The following LPP variants were observed in gnomAD, a reference collection of about 807,000 sequenced individuals.
The protein encoded by LPP is LIM domain containing preferred translocation partner in lipoma, also known as lipoma-preferred partner.
A neutral mutation model predicts 60.4 loss-of-function variants in LPP; 38 were observed. The ratio of observed to expected loss-of-function variants is 0.63; its 90% CI spans 0.49 to 0.83. The LOEUF (loss-of-function observed/expected upper bound fraction) is 0.83, where lower values mean the gene tolerates loss of function less well. LPP is among the 40% of genes least tolerant of loss of function. The pLI is 0.00. For missense variants in LPP, 902 were observed against 783.6 expected (o/e 1.15, Z -1.80); for synonymous variants, 328 against 290.8 (o/e 1.13, Z -1.30).
chr3:188,294,759 C>A (rs1747275000), intron 2 of LPP, among the ~76,000 whole-genome samples: 1 of 152,158 alleles, frequency 6.6e-6, no homozygotes, highest in Admixed American at 6.5e-5. Context: ...ATTTTCTTAT[C>A]CACCCATTTT....
chr3:188,379,515 A>T (rs1167963660), intron 3 of LPP, among the ~76,000 whole-genome samples: 1 of 152,324 alleles, frequency 6.6e-6, no homozygotes, highest in South Asian at 2.1e-4. Context: ...AAAAACAAAC[A>T]AACAAAACCA....
intron 2 of LPP, among the ~76,000 whole-genome samples, chr3:188,232,800 T>C (rs1471283677): frequency 1.3e-5 from 2 of 152,006 alleles, no homozygotes. Context: ...CACTGAATCC[T>C]ACCTAGTTCA....
At chr3:188,204,101 G>T (rs1259907044) in intron 1 of LPP, among the ~76,000 whole-genome samples, 2 of 152,060 alleles carry the variant, frequency 1.3e-5, no homozygotes, top group Non-Finnish European at 2.9e-5. Context: ...CTCCCAAGGG[G>T]CTCACTTCCC....
intron 6 of LPP, among the ~76,000 whole-genome samples, chr3:188,586,259 T>G (rs762448026): frequency 2.0e-5 from 3 of 152,210 alleles, no homozygotes; most frequent in Non-Finnish European, 4.4e-5. Context: ...CTATATGTAA[T>G]ATGAAAGAGT....
chr3:188,874,324 C>T (rs769629299), intron 11 of LPP, 27 bp from the exon 12 acceptor site: 3 of 1,595,290 alleles, frequency 1.9e-6, no homozygotes, highest in Non-Finnish European at 2.6e-6. Flanking sequence ...TTACTTATGT[C>T]GTTTCCATCT....
chr3:188,845,637 A>G (rs1328186376), intron 9 of LPP, among the ~76,000 whole-genome samples: 1 of 152,160 alleles, frequency 6.6e-6, no homozygotes, highest in Non-Finnish European at 1.5e-5. Flanking sequence ...CCTCTGGTAT[A>G]TATGCTGTGT....
intron 9 of LPP, among the ~76,000 whole-genome samples, chr3:188,809,205 G>A (rs957931641): frequency 2.0e-5 from 3 of 152,148 alleles, no homozygotes; most frequent in Non-Finnish European, 4.4e-5. Context: ...ATCCAGTAAT[G>A]AGATTATTGG....
At chr3:188,361,783 G>T (rs1307337515) in intron 3 of LPP, among the ~76,000 whole-genome samples, 1 of 152,042 alleles carries the variant, frequency 6.6e-6, no homozygotes, top group Non-Finnish European at 1.5e-5. Context: ...GGCCAGGCTG[G>T]TCTCGAACTC....
At chr3:188,171,604 T>A (rs190789091) in intron 1 of LPP, among the ~76,000 whole-genome samples, 35 of 152,338 alleles carry the variant, frequency 2.3e-4, no homozygotes, top group African/African-American at 7.9e-4. Context: ...CACCATTTCT[T>A]TATGGAATCA....
intron 2 of LPP, among the ~76,000 whole-genome samples, chr3:188,292,433 A>G (rs1439097631): frequency 1.3e-5 from 2 of 152,238 alleles, no homozygotes; most frequent in Admixed American, 6.5e-5. Context: ...GCATGACTCA[A>G]ACATCTAGTT....
intron 5 of LPP, among the ~76,000 whole-genome samples, chr3:188,511,916 T>A (rs1194809612): frequency 6.6e-6 from 1 of 152,214 alleles, no homozygotes; most frequent in Non-Finnish European, 1.5e-5. Flanking sequence ...ATTGCTGGCT[T>A]GTAGGATATT....
At chr3:188,528,154 T>C (rs1821161451) in intron 6 of LPP, among the ~76,000 whole-genome samples, 1 of 152,062 alleles carries the variant, frequency 6.6e-6, no homozygotes, top group Non-Finnish European at 1.5e-5. Context: ...TTCCAGGTCA[T>C]TTAGCCAAAC....
intron 4 of LPP, among the ~76,000 whole-genome samples, chr3:188,422,075 A>G (rs1787958304): frequency 6.6e-6 from 1 of 152,170 alleles, no homozygotes; most frequent in Admixed American, 6.6e-5. Context: ...TCATGGGGCT[A>G]GTACCAGCTT....
At chr3:188,646,391 C>T (rs530764994) in intron 7 of LPP, among the ~76,000 whole-genome samples, 36 of 152,190 alleles carry the variant, frequency 2.4e-4, no homozygotes, top group African/African-American at 7.9e-4. Flanking sequence ...ATAAGCTAGC[C>T]CCTGGAAGAA....
At chr3:188,233,777 G>A (rs1328597188) in intron 2 of LPP, among the ~76,000 whole-genome samples, 2 of 151,960 alleles carry the variant, frequency 1.3e-5, no homozygotes, top group African/African-American at 2.4e-5. Context: ...AGGCCTTTAA[G>A]TCAATTTTTA....
At chr3:188,685,155 G>C (rs1357799357) in intron 7 of LPP, among the ~76,000 whole-genome samples, 3 of 152,226 alleles carry the variant, frequency 2.0e-5, no homozygotes. Flanking sequence ...AGTGGTGCAA[G>C]ACAGTGGGCT....
In LPP at chr3:188,368,694, A is replaced by C; in HGVS notation, c.-10+26975A>C. ...CACACACACACTCTCACACACACAC[A>C]CACACACACACACACACACACACAC... On this transcript the variant is annotated intron_variant, in intron 3 of 11. Coordinates refer to ENST00000617246, the MANE Select transcript of LPP (RefSeq NM_001375462.1). Among the ~76,000 whole-genome samples, 2 of 116,330 alleles carry C rather than the reference A, an allele frequency of 1.7e-5. 1 individual carries two copies. Among genetic ancestry groups the C allele is most frequent in the Non-Finnish European group, 3.6e-5 (2 of 55,720 alleles). The allele number at this position is 116,330 out of a possible 152,430, so 76.3% of individuals were successfully genotyped here.
At chr3:188,735,403 C>T (rs112446777) in intron 8 of LPP, among the ~76,000 whole-genome samples, 78 of 151,596 alleles carry the variant, frequency 5.1e-4, no homozygotes, top group African/African-American at 1.8e-3. Flanking sequence ...TTTTTTGAGA[C>T]GAAGTCTTGC....
chr3:188,258,221 C>T (rs1057067584), intron 2 of LPP, among the ~76,000 whole-genome samples: 16 of 152,198 alleles, frequency 1.1e-4, no homozygotes, highest in African/African-American at 3.6e-4. Context: ...TCAGTTCTTC[C>T]CATTTATTTG....
Sources: gnomAD v4.1 joint callset for allele counts (sites outside exome capture counted in the v4.1 genomes callset) on GRCh38, gnomAD v4.1.1 for gene constraint, MANE v1.5 for transcripts, NCBI Gene and HGNC (gene_info 2026-07-23, HGNC 2026-07-21) for gene names.